ERG: variants seen among roughly 807,000 people sequenced by gnomAD.
ERG encodes ETS transcription factor ERG.
ERG carries 9 observed loss-of-function variants against 55.3 expected under a neutral mutation model. The observed-to-expected ratio is 0.16, with a 90% CI of 0.10 to 0.28. The LOEUF (loss-of-function observed/expected upper bound fraction) is 0.28. ERG is among the 10% of genes least tolerant of loss of function. The probability of loss-of-function intolerance (pLI) is 1.00; values close to 1 mark genes in which losing one functional copy is unlikely to be tolerated. For synonymous variants in ERG, 223 were observed against 237.3 expected (o/e 0.94, Z 0.55); for missense variants, 434 against 631.6 (o/e 0.69, Z 3.35).
rs867529173 is a variant in ERG, at chr21:38,523,892, C to T, written c.-41+51770G>A. Reference sequence around the variant, plus strand: ...TCCATCTCAGAATACATGTCTGGCTCTTCCTGCTCATAAACAGAAACAGAG... The same window carrying T: ...TCCATCTCAGAATACATGTCTGGCTTTTCCTGCTCATAAACAGAAACAGAG... On this transcript the variant is annotated intron_variant, in intron 2 of 8. Transcript: ENST00000398897. Among the ~76,000 whole-genome samples, 146 of 152,212 alleles carry T rather than the reference C, an allele frequency of 9.6e-4. 2 individuals carry two copies. The highest frequency in any genetic ancestry group is 4.9e-4 in the Non-Finnish European group (33 of 68,040).
intron 1 of ERG, among the ~76,000 whole-genome samples, chr21:38,462,044 C>T (rs546128788): frequency 8.6e-5 from 13 of 151,318 alleles, no homozygotes; most frequent in Admixed American, 2.6e-4. Flanking sequence ...TGCAGTGGCG[C>T]GATCTTGGCT....
In ERG at chr21:38,506,002, T is replaced by C. The variant is rs555264033; in HGVS notation, c.-41+69660A>G. 2.9e-5 allele frequency among the ~76,000 whole-genome samples: 4 copies of C among 140,270 alleles called. No homozygotes were observed. In the East Asian group the frequency reaches 8.4e-4, roughly 29 times the overall value. 92.0% of individuals were successfully genotyped at this position (140,270 alleles called of 152,430 possible). On this transcript the variant is annotated intron_variant, in intron 2 of 8. Coordinates refer to the ERG transcript ENST00000398897. ...TACTTGTTAAAATTAAGATCTAACA[T>C]TTATAATGCAGAAATGGTGTTTTTT...
rs574219213 is a variant in ERG, at chr21:38,382,310, C to T, written c.*1093G>A. On this transcript the variant is annotated 3_prime_UTR_variant, in exon 10 of 10. Transcript: ENST00000288319. ...CGCGACTCAAAGGAAAACTGGAGGC[C>T]GCCTACCCAAAATGCCTGCGTGATT... 45 of 1,055,596 alleles carry T rather than the reference C, an allele frequency of 4.3e-5. 1 individual carries two copies. The South Asian group carries it at 1.6e-3, about 36-fold the overall frequency. The allele number at this position is 1,055,596 out of a possible 1,614,324, so 65.4% of individuals were successfully genotyped here.
At chr21:38,449,173 T>C (rs915352189) in intron 1 of ERG, 3 of 152,246 alleles carry the variant, frequency 2.0e-5, no homozygotes, top group African/African-American at 7.2e-5. Flanking sequence ...CTGGCAGATA[T>C]GTGGCATAAT....
intron 1 of ERG, among the ~76,000 whole-genome samples, chr21:38,480,591 CTTTTTTT>C (rs544037525): frequency 1.0e-3 from 51 of 51,120 alleles, no homozygotes; most frequent in East Asian, 2.8e-3. Flanking sequence ...ACTATATGGC[CTTTTTTT>C]TTTTTTTTTT....
intron 2 of ERG, among the ~76,000 whole-genome samples, chr21:38,436,022 T>TTC (rs1555898862): frequency 6.9e-6 from 1 of 145,402 alleles, no homozygotes; most frequent in African/African-American, 2.6e-5. Flanking sequence ...CTTTTTTTCT[T>TTC]TTTTTTTTTT....
intron 1 of ERG, among the ~76,000 whole-genome samples, chr21:38,640,248 T>G (rs2060415790): frequency 6.6e-6 from 1 of 152,174 alleles, no homozygotes; most frequent in African/African-American, 2.4e-5. Context: ...TATGACTCAG[T>G]TCTAAGTAAC....
At chr21:38,558,861 A>G (rs143976049) in intron 2 of ERG, among the ~76,000 whole-genome samples, 1 of 152,380 alleles carries the variant, frequency 6.6e-6, no homozygotes, top group Non-Finnish European at 1.5e-5. Context: ...GCAGATAAAA[A>G]ATCAGCACAG....
intron 6 of ERG, 33 bp downstream of exon 6, chr21:38,400,541 C>T (rs966621806): frequency 6.5e-7 from 1 of 1,530,930 alleles, no homozygotes. Context: ...GGATGTCTCT[C>T]AATGAAGAGA....
intron 1 of ERG, among the ~76,000 whole-genome samples, chr21:38,643,647 C>G (rs2060438740): frequency 6.6e-6 from 1 of 152,176 alleles, no homozygotes; most frequent in East Asian, 1.9e-4. Flanking sequence ...GCAACACTCA[C>G]AAGCTGCAAA....
chr21:38,551,256 C>T (rs1320553354), intron 2 of ERG, among the ~76,000 whole-genome samples: 1 of 151,648 alleles, frequency 6.6e-6, no homozygotes, highest in Non-Finnish European at 1.5e-5. Context: ...ATCAGTCTAG[C>T]TAGTTGTCTA....
At chr21:38,440,173 G>C (rs1441681000) in intron 2 of ERG, among the ~76,000 whole-genome samples, 1 of 152,248 alleles carries the variant, frequency 6.6e-6, no homozygotes, top group Non-Finnish European at 1.5e-5. Context: ...CATAAGCTAA[G>C]AGGAGGGACA....
intron 2 of ERG, among the ~76,000 whole-genome samples, chr21:38,428,860 C>T (rs1463088040): frequency 6.6e-6 from 1 of 152,132 alleles, no homozygotes; most frequent in Non-Finnish European, 1.5e-5. Context: ...TCACAGACTC[C>T]TTTGAGGACA....
chr21:38,401,807 G>T (rs1448600300), intron 5 of ERG, among the ~76,000 whole-genome samples: 5 of 152,188 alleles, frequency 3.3e-5, no homozygotes, highest in Non-Finnish European at 5.9e-5. Context: ...TTCATCCACA[G>T]AAAACCCAGC....
At chr21:38,535,771 G>A (rs1304706920) in intron 2 of ERG, among the ~76,000 whole-genome samples, 1 of 152,144 alleles carries the variant, frequency 6.6e-6, no homozygotes, top group Non-Finnish European at 1.5e-5. Flanking sequence ...TTGCCATGTT[G>A]ATCCCACAAA....
At chr21:38,506,453 AC>A (rs1175017119) in intron 2 of ERG, among the ~76,000 whole-genome samples, 2 of 152,204 alleles carry the variant, frequency 1.3e-5, no homozygotes, top group Admixed American at 1.3e-4. Flanking sequence ...CTCAAAAAAA[AC>A]GTGTAGTATT....
At chr21:38,429,298 A>G (rs1251036390) in intron 2 of ERG, among the ~76,000 whole-genome samples, 2 of 151,940 alleles carry the variant, frequency 1.3e-5, no homozygotes, top group East Asian at 1.9e-4. Flanking sequence ...CCACACATAT[A>G]CATATGTATA....
intron 1 of ERG, among the ~76,000 whole-genome samples, chr21:38,582,752 C>CTT (rs796539376): frequency 1.4e-5 from 2 of 147,762 alleles, no homozygotes; most frequent in African/African-American, 2.5e-5. Context: ...AATGTTGCAA[C>CTT]TTTTTTTTTT....
At chr21:38,556,600 T>C (rs2059859809) in intron 2 of ERG, among the ~76,000 whole-genome samples, 1 of 151,994 alleles carries the variant, frequency 6.6e-6, no homozygotes, top group African/African-American at 2.4e-5. Flanking sequence ...CCAGGTGTGG[T>C]CATGTGACTC....
Sources: allele counts gnomAD v4.1 joint callset (sites outside exome capture counted in the v4.1 genomes callset), GRCh38; gene constraint gnomAD v4.1.1; transcripts MANE v1.5; gene names NCBI Gene and HGNC (gene_info 2026-07-23, HGNC 2026-07-21).